Variants in STPG2 observed in about 807,000 individuals in gnomAD.
The protein encoded by STPG2 is sperm tail PG-rich repeat containing 2, also known as sperm-tail PG-rich repeat-containing protein 2.
Under a neutral mutation model 54.2 loss-of-function variants are expected in STPG2, and 56 were observed. The ratio of observed to expected loss-of-function variants is 1.03; its 90% CI spans 0.83 to 1.29. The LOEUF (loss-of-function observed/expected upper bound fraction) is 1.29, where lower values mean the gene tolerates loss of function less well. STPG2 is among the 50% of genes most tolerant of loss of function. The pLI, the probability that STPG2 is intolerant of heterozygous loss-of-function variation, is 0.00. For missense variants in STPG2, 596 were observed against 544.9 expected (o/e 1.09, Z -0.93); for synonymous variants, 200 against 181.8 (o/e 1.10, Z -0.81).
intron 9 of STPG2, among the ~76,000 whole-genome samples, chr4:97,759,167 G>A (rs1407760042): frequency 1.3e-5 from 2 of 152,080 alleles, no homozygotes; most frequent in East Asian, 1.9e-4. Context: ...CAAGTCTTAT[G>A]GGAGTCATGA....
At chr4:97,826,702 G>C (rs935065487) in intron 9 of STPG2, among the ~76,000 whole-genome samples, 10 of 152,160 alleles carry the variant, frequency 6.6e-5, no homozygotes, top group Non-Finnish European at 1.5e-4. Flanking sequence ...AGGAACTATT[G>C]TCAAATATTA....
intron 10 of STPG2, among the ~76,000 whole-genome samples, chr4:97,675,124 C>T (rs371324926): frequency 6.6e-6 from 1 of 152,096 alleles, no homozygotes; most frequent in East Asian, 1.9e-4. Flanking sequence ...CTGCCTCAGC[C>T]TCCCGAGTAG....
chr4:97,510,873 C>T (rs1050633321), intron 4 of STPG2, among the ~76,000 whole-genome samples: 3 of 152,056 alleles, frequency 2.0e-5, no homozygotes, highest in Admixed American at 6.6e-5. Flanking sequence ...GAGGCTGGGG[C>T]GGGAGGATAG....
intron 5 of STPG2, among the ~76,000 whole-genome samples, chr4:98,037,901 C>T (rs1212574961): frequency 1.3e-5 from 2 of 151,816 alleles, no homozygotes; most frequent in Non-Finnish European, 2.9e-5. Context: ...ATGTACAAGA[C>T]CTTTGAGGAA....
In STPG2 at chr4:97,943,944, C is replaced by A. The variant is rs931895637; in HGVS notation, c.997G>T (p.Ala333Ser). The change falls in exon 8 of 11, where the codon GCT becomes TCT. Residue 333 changes from alanine (A) to serine (S), a missense_variant. Coordinates refer to ENST00000295268, the MANE Select transcript of STPG2 (RefSeq NM_174952.3). ...CTTTTGGCTCTTGACAAGAAAGCAG[C>A]ATATTTGTTAGTCAAGTTAGGTAAT... ...DELPNLTNKY[A>S]AFLSRAKRTM... 1.3e-6 allele frequency: 2 copies of A among 1,598,878 alleles called. No homozygotes were observed. Among genetic ancestry groups the A allele is most frequent in the South Asian group, 2.3e-5 (2 of 88,066 alleles).
chr4:98,026,835 G>C (rs1310314863), intron 5 of STPG2, among the ~76,000 whole-genome samples: 1 of 152,144 alleles, frequency 6.6e-6, no homozygotes. Context: ...ACTAAAGACA[G>C]TACATTTGTA....
At chr4:97,576,276 G>A (rs1281596084) in intron 10 of STPG2, among the ~76,000 whole-genome samples, 6 of 138,302 alleles carry the variant, frequency 4.3e-5, no homozygotes, top group African/African-American at 1.4e-4. Flanking sequence ...AATATATATG[G>A]AATGAAAAAA....
chr4:98,001,251 A>G (rs991479336), intron 5 of STPG2, among the ~76,000 whole-genome samples: 1 of 151,932 alleles, frequency 6.6e-6, no homozygotes. Context: ...TTTGTACTCA[A>G]AATTTTTTCA....
chr4:97,561,078 G>C (rs1732222297), intron 10 of STPG2, among the ~76,000 whole-genome samples: 1 of 152,014 alleles, frequency 6.6e-6, no homozygotes, highest in Non-Finnish European at 1.5e-5. Context: ...CAGTGTAAAA[G>C]TGTTCCTATT....
At chr4:98,025,631 C>A (rs1457004132) in intron 5 of STPG2, 1 of 813,266 alleles carries the variant, frequency 1.2e-6, no homozygotes, top group Non-Finnish European at 2.1e-6. Flanking sequence ...TGCACACGAA[C>A]TGCCAAAATA....
intron 10 of STPG2, among the ~76,000 whole-genome samples, chr4:97,686,693 T>G (rs1304842024): frequency 1.3e-5 from 2 of 152,232 alleles, no homozygotes; most frequent in Non-Finnish European, 2.9e-5. Context: ...AATAATACTT[T>G]TATTTCCTGG....
chr4:97,988,633 C>T (rs1734898807), intron 5 of STPG2, among the ~76,000 whole-genome samples: 1 of 152,146 alleles, frequency 6.6e-6, no homozygotes, highest in African/African-American at 2.4e-5. Flanking sequence ...TTGATATGGG[C>T]TCTCACTCTG....
chr4:97,475,730 C>T (rs1730054363), intron 4 of STPG2, among the ~76,000 whole-genome samples: 1 of 151,996 alleles, frequency 6.6e-6, no homozygotes, highest in South Asian at 2.1e-4. Flanking sequence ...ATACTTTGAC[C>T]TTAGAGCTTT....
At chr4:97,672,237 C>A (rs1722722303) in intron 10 of STPG2, among the ~76,000 whole-genome samples, 1 of 146,064 alleles carries the variant, frequency 6.8e-6, no homozygotes, top group Admixed American at 7.0e-5. Context: ...GCAATGGCAC[C>A]ATCTTGGCTA....
chr4:97,868,903 A>C (rs1485849053), intron 8 of STPG2, among the ~76,000 whole-genome samples: 1 of 151,918 alleles, frequency 6.6e-6, no homozygotes, highest in Admixed American at 6.6e-5. Flanking sequence ...ATAATTTATC[A>C]AGCATTTCAA....
intron 7 of STPG2, among the ~76,000 whole-genome samples, chr4:97,964,326 C>G (rs751846042): frequency 1.2e-4 from 19 of 152,100 alleles, no homozygotes; most frequent in Non-Finnish European, 2.8e-4. Context: ...GAGCAGTAAG[C>G]ACACCCTTTG....
intron 9 of STPG2, among the ~76,000 whole-genome samples, chr4:97,815,190 G>A (rs1727868885): frequency 1.3e-5 from 2 of 152,102 alleles, no homozygotes; most frequent in African/African-American, 4.8e-5. Context: ...TACCAGCTTT[G>A]ACTATGTGAC....
intron 9 of STPG2, among the ~76,000 whole-genome samples, chr4:97,787,237 C>T (rs559825376): frequency 2.0e-5 from 3 of 152,124 alleles, no homozygotes; most frequent in South Asian, 2.1e-4. Context: ...TCACATAAAA[C>T]GATGGATAAC....
chr4:98,126,061 C>G (rs1739821173), intron 3 of STPG2, among the ~76,000 whole-genome samples: 1 of 152,212 alleles, frequency 6.6e-6, no homozygotes, highest in Admixed American at 6.5e-5. Flanking sequence ...AGCCACCCCT[C>G]CCCTGGGGAA....
Sources: allele counts gnomAD v4.1 joint callset (sites outside exome capture counted in the v4.1 genomes callset), GRCh38; gene constraint gnomAD v4.1.1; transcripts MANE v1.5; gene names NCBI Gene and HGNC (gene_info 2026-07-23, HGNC 2026-07-21).